DDX1: variants seen among roughly 807,000 people sequenced by gnomAD.
DDX1 encodes the protein DEAD-box helicase 1.
DDX1 carries 28 observed loss-of-function variants against 108.7 expected under a neutral mutation model. The observed-to-expected ratio is 0.26, with a 90% confidence interval of 0.19 to 0.35. The LOEUF (loss-of-function observed/expected upper bound fraction) is 0.35, where lower values mean the gene tolerates loss of function less well. DDX1 is among the 10% of genes least tolerant of loss of function. DDX1 has a pLI of 1.00. For missense variants in DDX1, 710 were observed against 884.5 expected (o/e 0.80, Z 2.50); for synonymous variants, 295 against 288.9 (o/e 1.02, Z -0.21).
chr2:15,617,698 A>G (rs1665923721), intron 15 of DDX1, among the ~76,000 whole-genome samples: 1 of 152,222 alleles, frequency 6.6e-6, no homozygotes, highest in Non-Finnish European at 1.5e-5. Context: ...CCAAATAACC[A>G]GCTTTGTTTG....
chr2:15,617,796 G>A (rs1265236696), intron 15 of DDX1, among the ~76,000 whole-genome samples: 1 of 152,164 alleles, frequency 6.6e-6, no homozygotes. Flanking sequence ...ATGTGTTTGA[G>A]TCTCTTAGAC....
In DDX1 at chr2:15,606,035, G is replaced by C. The variant is rs1290227689; in HGVS notation, c.702+9G>C. The C allele has an allele frequency of 1.9e-6, 3 of 1,580,198 alleles. No homozygotes were observed. The highest frequency in any genetic ancestry group is 2.6e-6 in the Non-Finnish European group (3 of 1,164,576). On this transcript the variant is annotated intron_variant, in intron 11 of 25. Transcript: ENST00000233084. ...CTGCCTGTGTTTTGAAGGTAATTAG[G>C]AATCTAGTTAGAAAAAATTTGCTGT...
At chr2:15,624,967 G>A (rs1666075436) in intron 19 of DDX1, among the ~76,000 whole-genome samples, 1 of 152,046 alleles carries the variant, frequency 6.6e-6, no homozygotes, top group Non-Finnish European at 1.5e-5. Flanking sequence ...GTTTACCCAG[G>A]ATAAATGAAA....
rs114856009 is a variant in DDX1 at position 15,604,687 on chromosome 2, A to C, written c.625+178A>C. Among the ~76,000 whole-genome samples the C allele has an allele frequency of 5.3e-3, 808 of 152,328 alleles. 7 individuals are homozygous for C. Among genetic ancestry groups the C allele is most frequent in the African/African-American group, 0.019 (779 of 41,574 alleles). On this transcript the variant is annotated intron_variant, in intron 10 of 25. Transcript: ENST00000233084. ...GTACCCTGGTAAGTACTGGAGGCACAGAAGAAAATGGAATAGACATTTGGG... is the reference window on the plus strand; with the variant it reads ...GTACCCTGGTAAGTACTGGAGGCACCGAAGAAAATGGAATAGACATTTGGG...
In DDX1 at chr2:15,612,099, C is replaced by A. The variant is rs1176354085; in HGVS notation, c.957-1125C>A. Among the ~76,000 whole-genome samples, 5 of 145,802 alleles carry A rather than the reference C, an allele frequency of 3.4e-5. 1 individual carries two copies. In the East Asian group the frequency reaches 6.4e-4, roughly 19 times the overall value. On this transcript the variant is annotated intron_variant, in intron 13 of 25. Coordinates refer to ENST00000233084, the MANE Select transcript of DDX1 (RefSeq NM_004939.3). The stretch of plus-strand genomic sequence containing the variant: ...GCTGGCTGGCGGGGCCTGACCCCCC[C>A]ACCTCCCTCCCGGACGGGGCGGCTG...
In DDX1 at chr2:15,628,715, T is replaced by G; in HGVS notation, c.1832+5T>G. Reference sequence around the variant, plus strand: ...CAGAGTAGGAAGAGCTGAAAGGTACTTCTGCAATTTTTTTTCCCCCATTTT... The same window carrying G: ...CAGAGTAGGAAGAGCTGAAAGGTACGTCTGCAATTTTTTTTCCCCCATTTT... On this transcript the variant is annotated splice_donor_5th_base_variant and intron_variant, in intron 22 of 25. Transcript: ENST00000233084. 1 of 1,604,008 alleles carries G rather than the reference T, an allele frequency of 6.2e-7. No homozygotes were observed. Among genetic ancestry groups the G allele is most frequent in the Non-Finnish European group, 8.5e-7 (1 of 1,178,312 alleles).
At chr2:15,613,143 AAT>A in intron 13 of DDX1, 79 bp from the exon 14 acceptor site, 1 of 951,366 alleles carries the variant, frequency 1.1e-6, no homozygotes, top group Non-Finnish European at 1.5e-6. Context: ...TTCCACCTAA[AAT>A]AAATGGATGC....
intron 16 of DDX1, among the ~76,000 whole-genome samples, chr2:15,618,787 T>G (rs1362585734): frequency 6.6e-6 from 1 of 152,358 alleles, no homozygotes; most frequent in East Asian, 1.9e-4. Context: ...GCCTTGGCCC[T>G]CCTTCCGTGT....
Position 15,620,214 on chromosome 2 carries a change from G to A in DDX1, c.1213G>A (p.Val405Ile), listed in dbSNP as rs1434703372. The A allele has an allele frequency of 3.7e-6, 6 of 1,613,186 alleles. No individual in the cohort carries two copies. Among genetic ancestry groups the A allele is most frequent in the South Asian group, 3.3e-5 (3 of 90,766 alleles). The change falls in exon 17 of 26, where the codon GTT becomes ATT. Residue 405 changes from valine (V) to isoleucine (I), a missense_variant. Around this residue, in one of 3 missense-constraint regions of DDX1, gnomAD observed 661 missense variants for 810.2 expected, o/e 0.82. Coordinates refer to ENST00000233084, the MANE Select transcript of DDX1 (RefSeq NM_004939.3). ...TGGGGTTTCCTCTTCTTAGGTGATT[G>A]TTTGCTCTGCCACTTTGCATTCTTT... ...TSDGKRLQVI[V>I]CSATLHSFDV...
chr2:15,594,778 T>C (rs1665472732), intron 1 of DDX1, among the ~76,000 whole-genome samples: 1 of 152,132 alleles, frequency 6.6e-6, no homozygotes, highest in African/African-American at 2.4e-5. Context: ...TTTTCACGAG[T>C]CATGAGAGGT....
chr2:15,605,484 G>A (rs1665647457), intron 10 of DDX1, among the ~76,000 whole-genome samples: 1 of 152,168 alleles, frequency 6.6e-6, no homozygotes, highest in African/African-American at 2.4e-5. Context: ...TTTGACAAGT[G>A]GAAAGCATTA....
chr2:15,594,607 T>C (rs914303316), intron 1 of DDX1, among the ~76,000 whole-genome samples: 1 of 152,248 alleles, frequency 6.6e-6, no homozygotes, highest in Admixed American at 6.5e-5. Context: ...TCTTCAGTTA[T>C]TCAGAATTTT....
At chr2:15,612,042 G>A (rs549282571) in intron 13 of DDX1, among the ~76,000 whole-genome samples, 1 of 138,330 alleles carries the variant, frequency 7.2e-6, no homozygotes, top group South Asian at 2.4e-4. Context: ...GGGCGGCTGG[G>A]TAGAGGCTCC....
intron 5 of DDX1, among the ~76,000 whole-genome samples, chr2:15,599,421 C>T (rs1407830944): frequency 6.6e-6 from 1 of 151,986 alleles, no homozygotes; most frequent in Non-Finnish European, 1.5e-5. Context: ...ATTCTCCTGC[C>T]TCAGCCTCCC....
intron 13 of DDX1, among the ~76,000 whole-genome samples, chr2:15,612,300 G>A (rs1398122551): frequency 9.9e-5 from 15 of 150,984 alleles, no homozygotes; most frequent in Non-Finnish European, 2.1e-4. Context: ...GGTCGCGGCC[G>A]GGTAGAGGCG....
chr2:15,595,244 T>A (rs749163605), intron 2 of DDX1, 48 bp downstream of exon 2: 1 of 1,437,560 alleles, frequency 7.0e-7, no homozygotes, highest in South Asian at 1.2e-5. Flanking sequence ...GTTTTATAAT[T>A]TAAACAGTTG....
intron 18 of DDX1, among the ~76,000 whole-genome samples, chr2:15,622,227 G>A (rs374298015): frequency 4.8e-4 from 73 of 152,260 alleles, no homozygotes; most frequent in African/African-American, 1.7e-3. Flanking sequence ...TTGGCATTAA[G>A]TACATTCATA....
chr2:15,607,552 A>T, intron 13 of DDX1, among the ~76,000 whole-genome samples: 1 of 152,002 alleles, frequency 6.6e-6, no homozygotes, highest in Admixed American at 6.6e-5. Flanking sequence ...ATGAAAAGTC[A>T]TGGTTAGTCA....
intron 8 of DDX1, 135 bp downstream of exon 8, chr2:15,603,410 AC>A (rs1665617307): frequency 1.5e-6 from 1 of 660,426 alleles, no homozygotes; most frequent in African/African-American, 1.8e-5. Flanking sequence ...ATTTATCTGT[AC>A]CCCACCCTGT....
Sources: allele counts gnomAD v4.1 joint callset (sites outside exome capture counted in the v4.1 genomes callset), GRCh38; gene constraint gnomAD v4.1.1; regional missense constraint gnomAD v4.1.1; transcripts MANE v1.5; gene names NCBI Gene and HGNC (gene_info 2026-07-23, HGNC 2026-07-21).